The following ARID1B variants were observed in gnomAD, a reference collection of about 807,000 sequenced individuals.
ARID1B encodes AT-rich interactive domain-containing protein 1B.
Under a neutral mutation model 212.3 loss-of-function variants are expected in ARID1B, and 30 were observed. That is an observed-to-expected ratio of 0.14 (90% CI 0.11 to 0.19). The LOEUF is 0.19. Among genes scored for constraint, ARID1B ranks in the 10% least tolerant of loss-of-function variants. The pLI is 1.00. For missense variants in ARID1B, 2,891 were observed against 3,204.0 expected (o/e 0.90, Z 2.36); for synonymous variants, 1,402 against 1,301.7 (o/e 1.08, Z -1.66).
intron 2 of ARID1B, among the ~76,000 whole-genome samples, chr6:156,857,235 G>C (rs551431898): frequency 3.7e-4 from 57 of 152,328 alleles, no homozygotes; most frequent in Admixed American, 1.2e-3. Flanking sequence ...CAGTTTTGAA[G>C]TGTCAAAAGC....
chr6:156,907,646 C>G (rs1013052718), intron 3 of ARID1B, among the ~76,000 whole-genome samples: 12 of 151,556 alleles, frequency 7.9e-5, no homozygotes, highest in African/African-American at 2.9e-4. Context: ...TGGCTCATGC[C>G]TGTAATTCTA....
chr6:156,936,696 A>G (rs1441622291), intron 4 of ARID1B: 1 of 151,976 alleles, frequency 6.6e-6, no homozygotes, highest in Admixed American at 6.6e-5. Context: ...ATCTATACCA[A>G]TAAATATTTT....
chr6:156,809,855 G>A (rs1340776092), intron 1 of ARID1B, among the ~76,000 whole-genome samples: 2 of 152,184 alleles, frequency 1.3e-5, no homozygotes, highest in Non-Finnish European at 2.9e-5. Context: ...AGCATGGTAG[G>A]CTAGGTAAAG....
At chr6:156,994,524 TGCTTTTCCTAGGTAAAAA>T (rs1223746535) in intron 4 of ARID1B, among the ~76,000 whole-genome samples, 2 of 151,976 alleles carry the variant, frequency 1.3e-5, no homozygotes, top group Admixed American at 1.3e-4. Flanking sequence ...CTTTATAAAA[TGCTTTTCCTAGGTAAAAA>T]CCAGTCCTCA....
intron 6 of ARID1B, among the ~76,000 whole-genome samples, chr6:157,131,181 A>C (rs1788521171): frequency 6.6e-6 from 1 of 152,106 alleles, no homozygotes; most frequent in African/African-American, 2.4e-5. Flanking sequence ...ACATCCATTC[A>C]TTTTTTTAAA....
At chr6:156,990,644 C>G (rs1327714387) in intron 4 of ARID1B, among the ~76,000 whole-genome samples, 1 of 151,904 alleles carries the variant, frequency 6.6e-6, no homozygotes, top group Non-Finnish European at 1.5e-5. Context: ...CGTCTCAAAA[C>G]GAACAAACAA....
intron 5 of ARID1B, 97 bp downstream of exon 5, chr6:157,085,002 A>G: frequency 7.0e-7 from 1 of 1,431,702 alleles, no homozygotes; most frequent in Non-Finnish European, 9.4e-7. Flanking sequence ...TTTAAAACCT[A>G]GTGGCCACAT....
At chr6:156,892,310 G>A (rs956777308) in intron 2 of ARID1B, among the ~76,000 whole-genome samples, 1 of 152,010 alleles carries the variant, frequency 6.6e-6, no homozygotes, top group African/African-American at 2.4e-5. Context: ...GATTATTTCA[G>A]TTTGCCCTGT....
chr6:156,825,485 A>AG (rs1782678006), intron 1 of ARID1B, among the ~76,000 whole-genome samples: 1 of 152,252 alleles, frequency 6.6e-6, no homozygotes, highest in African/African-American at 2.4e-5. Context: ...CTGAATTTTA[A>AG]GTAGGACTGT....
chr6:156,948,748 T>G (rs927182835), intron 4 of ARID1B, among the ~76,000 whole-genome samples: 2 of 152,262 alleles, frequency 1.3e-5, no homozygotes, highest in African/African-American at 4.8e-5. Context: ...TTTCACTGGC[T>G]TATTAATGTC....
intron 2 of ARID1B, among the ~76,000 whole-genome samples, chr6:156,879,956 A>G (rs759405076): frequency 7.2e-5 from 11 of 152,218 alleles, no homozygotes; most frequent in Non-Finnish European, 1.2e-4. Flanking sequence ...AGCAGATGGC[A>G]AACAGTGATC....
At chr6:157,071,894 T>C (rs1399978007) in intron 4 of ARID1B, 2 of 152,208 alleles carry the variant, frequency 1.3e-5, no homozygotes, top group Non-Finnish European at 2.9e-5. Context: ...AATCTGACTT[T>C]AGACTTTTGC....
intron 8 of ARID1B, among the ~76,000 whole-genome samples, chr6:157,153,454 T>C (rs890144273): frequency 6.6e-6 from 1 of 152,078 alleles, no homozygotes; most frequent in Non-Finnish European, 1.5e-5. Flanking sequence ...AATTTACTTT[T>C]GAAGATATAA....
intron 8 of ARID1B, among the ~76,000 whole-genome samples, chr6:157,154,514 T>C (rs763453985): frequency 6.7e-6 from 1 of 148,272 alleles, no homozygotes; most frequent in East Asian, 1.9e-4. Flanking sequence ...CTCAGAATCA[T>C]TGAGTCAGGA....
rs755407106 is a variant in ARID1B at position 156,778,433 on chromosome 6, C to G, written c.753C>G (p.Gly251=). The G allele has an allele frequency of 5.5e-6, 8 of 1,465,676 alleles. No individual in the cohort carries two copies. The highest frequency in any genetic ancestry group is 6.3e-6 in the Non-Finnish European group (7 of 1,113,716). The allele number at this position is 1,465,676 out of a possible 1,614,324, so 90.8% of individuals were successfully genotyped here. The change falls in exon 1 of 20, where the codon GGC becomes GGG. Residue 251 remains glycine (G), a synonymous_variant. Coordinates refer to ENST00000636930, the MANE Select transcript of ARID1B (RefSeq NM_001374828.1). The part of the protein sequence containing the change: ...QHGGAKDSAA[G]GQADPPGPPL... ...GAGGCGCCAAGGACAGTGCTGCGGG[C>G]GGCCAGGCCGACCCCCCGGGCCCGC...
chr6:156,824,864 T>A (rs1392460473), intron 1 of ARID1B, among the ~76,000 whole-genome samples: 3 of 146,186 alleles, frequency 2.1e-5, no homozygotes, highest in Non-Finnish European at 4.5e-5. Flanking sequence ...TTAGATTTGA[T>A]TTTTTTTTTT....
At chr6:157,101,187 A>G (rs1489157419) in intron 5 of ARID1B, among the ~76,000 whole-genome samples, 1 of 152,184 alleles carries the variant, frequency 6.6e-6, no homozygotes, top group Non-Finnish European at 1.5e-5. Flanking sequence ...TGTTCTTTTA[A>G]TTTCTCACTA....
intron 2 of ARID1B, among the ~76,000 whole-genome samples, chr6:156,843,565 G>C (rs534317652): frequency 6.6e-6 from 1 of 152,236 alleles, no homozygotes; most frequent in South Asian, 2.1e-4. Context: ...ACACCGAGGG[G>C]CACACCTGGG....
intron 2 of ARID1B, among the ~76,000 whole-genome samples, chr6:156,854,129 A>T (rs1056100120): frequency 1.3e-5 from 2 of 152,212 alleles, no homozygotes; most frequent in Non-Finnish European, 2.9e-5. Flanking sequence ...TGAGAACGTT[A>T]TGAATGTTTT....
Sources: gnomAD v4.1 joint callset for allele counts (sites outside exome capture counted in the v4.1 genomes callset) on GRCh38, gnomAD v4.1.1 for gene constraint, MANE v1.5 for transcripts, NCBI Gene and HGNC (gene_info 2026-07-23, HGNC 2026-07-21) for gene names.